Variants in RBFOX1 observed in about 807,000 individuals in gnomAD.
RBFOX1 encodes the protein RNA binding protein fox-1 homolog 1.
Under a neutral mutation model 57.7 loss-of-function variants are expected in RBFOX1, and 8 were observed. The ratio of observed to expected loss-of-function variants is 0.14; its 90% confidence interval spans 0.08 to 0.25. The LOEUF is 0.25. Among genes scored for constraint, RBFOX1 ranks in the 10% least tolerant of loss-of-function variants. The pLI is 1.00. For synonymous variants in RBFOX1, 326 were observed against 222.4 expected (o/e 1.47, Z -4.15); for missense variants, 611 against 548.5 (o/e 1.11, Z -1.14).
intron 3 of RBFOX1, among the ~76,000 whole-genome samples, chr16:5,785,719 G>A (rs2054476958): frequency 6.6e-6 from 1 of 151,974 alleles, no homozygotes; most frequent in African/African-American, 2.4e-5. Context: ...TAGAGACAGG[G>A]TTTCTCCATG....
chr16:7,264,735 C>G (rs773007988), intron 4 of RBFOX1, among the ~76,000 whole-genome samples: 59 of 152,012 alleles, frequency 3.9e-4, no homozygotes, highest in Non-Finnish European at 6.2e-4. Flanking sequence ...ATCAACCATT[C>G]TTAGCTCTTG....
chr16:6,404,626 C>T (rs191241282), intron 2 of RBFOX1, among the ~76,000 whole-genome samples: 78 of 152,068 alleles, frequency 5.1e-4, no homozygotes, highest in African/African-American at 1.1e-3. Flanking sequence ...TTGCTTGGGA[C>T]GGGGAGGTTT....
chr16:7,153,123 AAAATT>A (rs1567477692), intron 4 of RBFOX1, among the ~76,000 whole-genome samples: 4 of 152,298 alleles, frequency 2.6e-5, no homozygotes, highest in Middle Eastern at 3.4e-3. Flanking sequence ...GCTGGAGAGA[AAAATT>A]AAAGCAGCTG....
intron 3 of RBFOX1, among the ~76,000 whole-genome samples, chr16:6,948,939 G>T (rs1277025381): frequency 6.6e-6 from 1 of 152,102 alleles, no homozygotes; most frequent in Admixed American, 6.6e-5. Flanking sequence ...ACCATCCTAC[G>T]TTGTGTGGAC....
chr16:5,534,588 A>G (rs1381562929), intron 2 of RBFOX1, among the ~76,000 whole-genome samples: 1 of 152,072 alleles, frequency 6.6e-6, no homozygotes, highest in Non-Finnish European at 1.5e-5. Context: ...AAGCCACACG[A>G]CTCAGCAAGC....
chr16:6,301,274 G>C (rs945258869), intron 1 of RBFOX1, among the ~76,000 whole-genome samples: 6 of 152,258 alleles, frequency 3.9e-5, no homozygotes, highest in Non-Finnish European at 7.3e-5. Flanking sequence ...TTTTTGATGG[G>C]TGTCACATGC....
At chr16:6,884,647 C>A (rs1028661231) in intron 3 of RBFOX1, among the ~76,000 whole-genome samples, 1 of 151,948 alleles carries the variant, frequency 6.6e-6, no homozygotes, top group East Asian at 1.9e-4. Flanking sequence ...ACCTGTAATC[C>A]CAGCACTAGG....
At chr16:6,746,382 C>T (rs1477446060) in intron 3 of RBFOX1, among the ~76,000 whole-genome samples, 5 of 152,086 alleles carry the variant, frequency 3.3e-5, no homozygotes, top group Non-Finnish European at 7.4e-5. Flanking sequence ...CTACAATAAT[C>T]AAGAAAGTGG....
At chr16:5,253,690 G>C (rs1280551937) in intron 1 of RBFOX1, among the ~76,000 whole-genome samples, 2 of 152,192 alleles carry the variant, frequency 1.3e-5, no homozygotes, top group Non-Finnish European at 2.9e-5. Flanking sequence ...TACAGACAGG[G>C]TCTCAATTTC....
At chr16:6,188,984 G>C (rs2097125204) in intron 1 of RBFOX1, among the ~76,000 whole-genome samples, 1 of 152,190 alleles carries the variant, frequency 6.6e-6, no homozygotes, top group African/African-American at 2.4e-5. Context: ...GATGAAGCTA[G>C]TCAATTCTGA....
chr16:7,461,246 C>T (rs767172837), intron 4 of RBFOX1, among the ~76,000 whole-genome samples: 1 of 151,966 alleles, frequency 6.6e-6, no homozygotes, highest in Non-Finnish European at 1.5e-5. Flanking sequence ...CGGCTCACTG[C>T]AACCTCCACC....
intron 4 of RBFOX1, among the ~76,000 whole-genome samples, chr16:7,178,376 G>A (rs2082073511): frequency 6.6e-6 from 1 of 152,182 alleles, no homozygotes; most frequent in Admixed American, 6.5e-5. Context: ...TTTGGGCATA[G>A]CTACTTGCAA....
intron 3 of RBFOX1, among the ~76,000 whole-genome samples, chr16:5,672,270 A>G (rs2050034746): frequency 6.6e-6 from 1 of 152,156 alleles, no homozygotes; most frequent in Non-Finnish European, 1.5e-5. Flanking sequence ...TACCTCTCTG[A>G]TGAGTAAAAT....
chr16:5,309,880 A>G (rs2064037116), intron 1 of RBFOX1, among the ~76,000 whole-genome samples: 1 of 152,192 alleles, frequency 6.6e-6, no homozygotes, highest in African/African-American at 2.4e-5. Flanking sequence ...GATGTATCAC[A>G]GGCATTGTTC....
chr16:6,686,550 A>C (rs1235283104), intron 3 of RBFOX1, among the ~76,000 whole-genome samples: 1 of 152,168 alleles, frequency 6.6e-6, no homozygotes, highest in African/African-American at 2.4e-5. Context: ...TCTTGGGAAC[A>C]TTTCTCAGTT....
chr16:7,708,529 C>T (rs1231672640), intron 14 of RBFOX1, among the ~76,000 whole-genome samples: 1 of 152,122 alleles, frequency 6.6e-6, no homozygotes, highest in Non-Finnish European at 1.5e-5. Context: ...GTCCCACAGA[C>T]CCTTTAAGGC....
intron 2 of RBFOX1, among the ~76,000 whole-genome samples, chr16:6,417,995 A>ATGAG (rs1342900005): frequency 3.9e-5 from 6 of 152,032 alleles, no homozygotes; most frequent in Admixed American, 2.0e-4. Context: ...GAATGAATGA[A>ATGAG]TGAATGATCA....
intron 4 of RBFOX1, among the ~76,000 whole-genome samples, chr16:7,066,171 C>G (rs1233553017): frequency 1.3e-5 from 2 of 152,172 alleles, no homozygotes; most frequent in Admixed American, 6.5e-5. Flanking sequence ...TCCAGAGATT[C>G]TCTTTAATTC....
intron 3 of RBFOX1, among the ~76,000 whole-genome samples, chr16:5,794,895 C>G (rs1302620738): frequency 6.6e-6 from 1 of 152,118 alleles, no homozygotes; most frequent in African/African-American, 2.4e-5. Flanking sequence ...GGAAGCTACC[C>G]CATCACATGG....
Sources: allele counts gnomAD v4.1 joint callset (sites outside exome capture counted in the v4.1 genomes callset), GRCh38; gene constraint gnomAD v4.1.1; transcripts MANE v1.5; gene names NCBI Gene and HGNC (gene_info 2026-07-23, HGNC 2026-07-21).